SLC38A10: variants seen among roughly 807,000 people sequenced by gnomAD.
SLC38A10 encodes solute carrier family 38 member 10.
SLC38A10 carries 53 observed loss-of-function variants against 81.0 expected under a neutral mutation model. The observed-to-expected ratio is 0.65, with a 90% confidence interval of 0.53 to 0.82. The LOEUF (loss-of-function observed/expected upper bound fraction) is 0.82, where lower values mean the gene tolerates loss of function less well. Ranked by LOEUF, SLC38A10 falls within the 40% of genes least tolerant of loss-of-function variation. SLC38A10 has a pLI of 0.00. For missense variants in SLC38A10, 1,471 were observed against 1,545.0 expected, an observed-to-expected ratio of 0.95 and a Z score of 0.80; for synonymous variants, 665 against 655.3, an observed-to-expected ratio of 1.01 and a Z score of -0.23.
At chr17:81,261,062 G>A (rs1368333269) in intron 10 of SLC38A10, among the ~76,000 whole-genome samples, 1 of 152,240 alleles carries the variant, frequency 6.6e-6, no homozygotes, top group Non-Finnish European at 1.5e-5. Context: ...GTGCCCACTG[G>A]GGTCACCCTG....
At chr17:81,280,889 T>C (rs2659041) in intron 5 of SLC38A10, among the ~76,000 whole-genome samples, 156 bp from the exon 6 acceptor site, 14 of 119,812 alleles carry the variant, frequency 1.2e-4, no homozygotes, top group South Asian at 2.8e-4. Context: ...CTGTGCCGCC[T>C]TGTGCCGCCA....
At chr17:81,269,733 A>T (rs1329987699) in intron 10 of SLC38A10, among the ~76,000 whole-genome samples, 1 of 150,896 alleles carries the variant, frequency 6.6e-6, no homozygotes, top group Non-Finnish European at 1.5e-5. Flanking sequence ...ACCTGTAATC[A>T]CAGCACTTTG....
Position 81,285,922 on chromosome 17 carries a change from G to T in SLC38A10, c.218-1027C>A, listed in dbSNP as rs74317537. 2.6e-5 allele frequency among the ~76,000 whole-genome samples: 4 copies of T among 152,204 alleles called. No homozygotes were observed. The East Asian group carries it at 5.8e-4, about 22-fold the overall frequency. On this transcript the variant is annotated intron_variant, in intron 2 of 15. Transcript: ENST00000374759. Reference sequence around the variant, plus strand: ...AACGCCAGAGCCCGGGAGCAGCAAAGACCCCACCTCCAGGGCTCACCCTGG... The same window carrying T: ...AACGCCAGAGCCCGGGAGCAGCAAATACCCCACCTCCAGGGCTCACCCTGG...
At position 81,283,395 on chromosome 17, in the gene SLC38A10, G is replaced by A. The variant is rs369286828; in HGVS notation, c.357+14C>T. 3.1e-6 allele frequency: 5 copies of A among 1,608,982 alleles called. No homozygotes were observed. The highest frequency in any genetic ancestry group is 4.2e-6 in the Non-Finnish European group (5 of 1,177,290). On this transcript the variant is annotated intron_variant, in intron 4 of 15. Transcript: ENST00000374759. This position sits in a 1 kb window ranked among gnomAD's most constrained non-coding sequence, Gnocchi z 4.7. ...CAGCATCTGAACAACCCAGAACCCT[G>A]AACACATCCTTACCTGAAACCCGAA...
rs2063211390 is a variant in SLC38A10 at position 81,281,406 on chromosome 17, CTCTGGGTGGTATCCGTGT to C, written c.502-691_502-674del. 2.0e-5 allele frequency among the ~76,000 whole-genome samples: 3 copies of C among 152,118 alleles called. No individual in the cohort carries two copies. Among genetic ancestry groups the C allele is most frequent in the Admixed American group, 2.0e-4 (3 of 15,260 alleles). The stretch of plus-strand genomic sequence containing the variant: ...CAGAGAATGGAGGGTGTGCTGGGGG[CTCTGGGTGGTATCCGTGT>C]TCTCAGTGCCAACTCCACAGCTGGC... On this transcript the variant is annotated intron_variant, in intron 5 of 15. Transcript: ENST00000374759. The surrounding 1 kb of genome is among the most constrained non-coding windows in gnomAD (Gnocchi z 5.3).
chr17:81,285,087 G>A, intron 2 of SLC38A10, 192 bp from the exon 3 acceptor site: 1 of 473,006 alleles, frequency 2.1e-6, no homozygotes, highest in Admixed American at 4.2e-5. Context: ...GAAACTACAA[G>A]AAACAAAGAC....
In SLC38A10 at chr17:81,276,408, C is replaced by T. The variant is rs1454664534; in HGVS notation, c.730-257G>A. Among the ~76,000 whole-genome samples, 13 of 141,582 alleles carry T rather than the reference C, an allele frequency of 9.2e-5. No homozygotes were observed. The highest frequency in any genetic ancestry group is 2.4e-4 in the African/African-American group (9 of 37,160). The allele number at this position is 141,582 out of a possible 152,430, so 92.9% of individuals were successfully genotyped here. On this transcript the variant is annotated intron_variant, in intron 7 of 15. Transcript: ENST00000374759. The surrounding 1 kb of genome is among the most constrained non-coding windows in gnomAD (Gnocchi z 4.7). ...TCTTTCTTTTTTTTTTTTTTTGAGACGGGGTCTCCCTCTGTAGACCAGGCT... is the reference window on the plus strand; with the variant it reads ...TCTTTCTTTTTTTTTTTTTTTGAGATGGGGTCTCCCTCTGTAGACCAGGCT...
intron 14 of SLC38A10, among the ~76,000 whole-genome samples, chr17:81,250,567 G>C (rs948738923): frequency 6.6e-6 from 1 of 152,206 alleles, no homozygotes; most frequent in Non-Finnish European, 1.5e-5. Context: ...TGTGCCCTGC[G>C]ACCCCCACAC....
rs1479395380 is a variant in SLC38A10, at chr17:81,245,904, C to T, written c.3012G>A (p.Gly1004=). The change falls in exon 16 of 16, where the codon GGG becomes GGA. Residue 1004 remains glycine, a synonymous_variant. Coordinates refer to ENST00000374759, the MANE Select transcript of SLC38A10 (RefSeq NM_001037984.3). ...TGGGCTCCTGGACAGCAGCGTCCTC[C>T]CCGCCTCTCGGCTGCTCGTGGGACA... The part of the protein sequence containing the change: ...VPVSHEQPRG[G]EDAAVQEPRQ... 1 of 1,612,114 alleles carries T rather than the reference C, an allele frequency of 6.2e-7. No individual in the cohort carries two copies. Among genetic ancestry groups the T allele is most frequent in the Non-Finnish European group, 8.5e-7 (1 of 1,179,502 alleles).
At chr17:81,250,395 C>T (rs1457078206) in intron 14 of SLC38A10, among the ~76,000 whole-genome samples, 1 of 152,264 alleles carries the variant, frequency 6.6e-6, no homozygotes, top group Non-Finnish European at 1.5e-5. Flanking sequence ...GACGTGGCTG[C>T]TGCACCTGCC....
At chr17:81,255,373 T>C (rs1027113934) in intron 11 of SLC38A10, among the ~76,000 whole-genome samples, 1 of 152,258 alleles carries the variant, frequency 6.6e-6, no homozygotes, top group Non-Finnish European at 1.5e-5. Flanking sequence ...GCCTCTTGGC[T>C]GCAGTAAAAC....
At chr17:81,262,890 T>C (rs1005420268) in intron 10 of SLC38A10, 3 of 152,266 alleles carry the variant, frequency 2.0e-5, no homozygotes, top group Admixed American at 1.3e-4. Context: ...ATGACTATAA[T>C]GATTTATTTC....
intron 8 of SLC38A10, among the ~76,000 whole-genome samples, chr17:81,273,060 C>G (rs1032092427): frequency 1.3e-5 from 2 of 152,170 alleles, no homozygotes; most frequent in Non-Finnish European, 1.5e-5. Flanking sequence ...CAGAACCCCC[C>G]CAAACACACG....
chr17:81,269,334 A>G (rs1434922456), intron 10 of SLC38A10, among the ~76,000 whole-genome samples: 4 of 152,056 alleles, frequency 2.6e-5, no homozygotes, highest in Non-Finnish European at 5.9e-5. Context: ...CCAACATGGT[A>G]AAACCCTGTC....
chr17:81,253,111 T>C lies in SLC38A10; in HGVS notation c.1418A>G (p.Glu473Gly), dbSNP rs760481829. The change falls in exon 12 of 16, where the codon GAG (glutamate) becomes GGG (glycine). Residue 473 changes from glutamate to glycine, a missense_variant. Around this residue, in one of 2 missense-constraint regions of SLC38A10, gnomAD observed 720 missense variants for 827.7 expected, o/e 0.87. Coordinates refer to ENST00000374759, the MANE Select transcript of SLC38A10 (RefSeq NM_001037984.3). The surrounding 1 kb of genome is among the most constrained non-coding windows in gnomAD (Gnocchi z 4.1). Reference sequence around the variant, plus strand: ...ATCGAGCTGTGCCTCCTCCGGTGCCTCCTTGCCATCTTCCCGTCCAGGCAC... The same window carrying C: ...ATCGAGCTGTGCCTCCTCCGGTGCCCCCTTGCCATCTTCCCGTCCAGGCAC... ...VDVPGREDGK[E>G]APEEAQLDRP... 2.5e-6 allele frequency: 4 copies of C among 1,613,660 alleles called. No individual in the cohort carries two copies. The Admixed American group carries it at 6.7e-5, about 27-fold the overall frequency.
intron 6 of SLC38A10, among the ~76,000 whole-genome samples, chr17:81,278,092 G>A (rs577820884): frequency 4.6e-5 from 7 of 152,202 alleles, no homozygotes; most frequent in African/African-American, 7.2e-5. Flanking sequence ...AGCGGCCAGC[G>A]GAGCCAAATC....
At chr17:81,257,069 TG>T (rs2062979784) in intron 11 of SLC38A10, among the ~76,000 whole-genome samples, 1 of 152,208 alleles carries the variant, frequency 6.6e-6, no homozygotes, top group South Asian at 2.1e-4. Flanking sequence ...TTCTCTCCTC[TG>T]ACTGTGGGGA....
In SLC38A10 at chr17:81,282,326, C is replaced by T. The variant is rs551300314; in HGVS notation, c.364G>A (p.Gly122Ser). Reference protein sequence around the residue: ...FARLFGFQVGGTFRMFLLFAV... With the variant: ...FARLFGFQVGSTFRMFLLFAV... ...AACAGCAGGAACATGCGGAAGGTGC[C>T]GCCCACCTGCGGGGAGCCGGCAGGG... Residue 122 changes from glycine (G) to serine (S), a missense_variant, in exon 5 of 16, where the codon GGC becomes AGC. By Grantham distance (56) the Gly-to-Ser change is moderately conservative (BLOSUM62 0). Around this residue, in one of 2 missense-constraint regions of SLC38A10, gnomAD observed 720 missense variants for 827.7 expected, o/e 0.87. Transcript: ENST00000374759. The T allele has an allele frequency of 1.7e-5, 27 of 1,610,134 alleles. No individual in the cohort carries two copies. The highest frequency in any genetic ancestry group is 1.3e-4 in the African/African-American group (10 of 75,040).
At chr17:81,255,671 A>G (rs989020656) in intron 11 of SLC38A10, among the ~76,000 whole-genome samples, 2 of 152,194 alleles carry the variant, frequency 1.3e-5, no homozygotes, top group Non-Finnish European at 2.9e-5. Flanking sequence ...GTGCTGCCGC[A>G]GGGCAACCAT....
Sources: gnomAD v4.1 joint callset for allele counts (sites outside exome capture counted in the v4.1 genomes callset) on GRCh38, gnomAD v4.1.1 for gene constraint, gnomAD v4.1.1 regional missense constraint, Gnocchi (gnomAD v3.1) non-coding constraint, MANE v1.5 for transcripts, NCBI Gene and HGNC (gene_info 2026-07-23, HGNC 2026-07-21) for gene names.